HMCN1: variants seen among roughly 807,000 people sequenced by gnomAD.
The protein encoded by HMCN1 is hemicentin-1.
HMCN1 carries 321 observed loss-of-function variants against 625.9 expected under a neutral mutation model. The ratio of observed to expected loss-of-function variants is 0.51; its 90% CI spans 0.47 to 0.56. HMCN1 has a LOEUF of 0.56. HMCN1 is among the 20% of genes least tolerant of loss of function. The probability of loss-of-function intolerance (pLI) is 0.00; values close to 1 mark genes in which losing one functional copy is unlikely to be tolerated. For missense variants in HMCN1, 6,588 were observed against 6,887.3 expected, an observed-to-expected ratio of 0.96 and a Z score of 1.54; for synonymous variants, 2,425 against 2,417.6, an observed-to-expected ratio of 1.00 and a Z score of -0.09.
chr1:186,024,225 T>C (rs1303881358), intron 36 of HMCN1, among the ~76,000 whole-genome samples: 1 of 152,184 alleles, frequency 6.6e-6, no homozygotes, highest in Non-Finnish European at 1.5e-5. Context: ...ATTTTGCAAT[T>C]GGCTGACAAT....
intron 1 of HMCN1, among the ~76,000 whole-genome samples, chr1:185,738,017 A>T (rs1266918341): frequency 1.3e-5 from 2 of 152,194 alleles, no homozygotes; most frequent in Non-Finnish European, 2.9e-5. Flanking sequence ...CTAGAGTAGG[A>T]GGAGGTACCA....
intron 11 of HMCN1, chr1:185,956,970 AG>A (rs764713958): frequency 1.3e-5 from 2 of 152,264 alleles, no homozygotes; most frequent in Non-Finnish European, 2.9e-5. Context: ...CCTTGCACAG[AG>A]GGAAAAACAT....
intron 1 of HMCN1, among the ~76,000 whole-genome samples, chr1:185,770,594 T>C (rs1376063723): frequency 6.6e-6 from 1 of 152,140 alleles, no homozygotes; most frequent in Non-Finnish European, 1.5e-5. Context: ...AACCTGATCT[T>C]TTTTTTGCAC....
intron 4 of HMCN1, among the ~76,000 whole-genome samples, chr1:185,868,816 C>T (rs1046509743): frequency 3.9e-5 from 6 of 152,004 alleles, no homozygotes; most frequent in Non-Finnish European, 7.4e-5. Context: ...GATGTAAATT[C>T]AGAAAATTTT....
intron 2 of HMCN1, among the ~76,000 whole-genome samples, chr1:185,849,043 T>C (rs1041901163): frequency 6.6e-6 from 1 of 152,170 alleles, no homozygotes; most frequent in Non-Finnish European, 1.5e-5. Context: ...GTACCATATC[T>C]ACTTGACTCT....
intron 1 of HMCN1, among the ~76,000 whole-genome samples, chr1:185,780,542 G>A (rs891783633): frequency 6.6e-6 from 1 of 152,174 alleles, no homozygotes; most frequent in Admixed American, 6.5e-5. Flanking sequence ...AATTTATTGA[G>A]AGTTTTTAGC....
rs76014482 is a variant in HMCN1 at position 185,787,181 on chromosome 1, A to G, written c.268+52134A>G. Among the ~76,000 whole-genome samples the G allele has an allele frequency of 3.0e-3, 391 of 128,676 alleles. 8 individuals are homozygous for G. The East Asian group carries it at 0.053, about 17-fold the overall frequency. The allele number at this position is 128,676 out of a possible 152,430, so 84.4% of individuals were successfully genotyped here. On this transcript the variant is annotated intron_variant, in intron 1 of 106. Coordinates refer to ENST00000271588, the MANE Select transcript of HMCN1 (RefSeq NM_031935.3). ...TGTGTGTGTGTGTGTGTGTGTGTGCATGCACGTGTGTTTTAATGAACAATT... is the reference window on the plus strand; with the variant it reads ...TGTGTGTGTGTGTGTGTGTGTGTGCGTGCACGTGTGTTTTAATGAACAATT...
At chr1:186,140,236 C>G (rs762497189) in intron 89 of HMCN1, among the ~76,000 whole-genome samples, 3 of 152,122 alleles carry the variant, frequency 2.0e-5, no homozygotes, top group Non-Finnish European at 4.4e-5. Context: ...TCTTTTTCCC[C>G]CATTCCAAGA....
intron 11 of HMCN1, among the ~76,000 whole-genome samples, chr1:185,943,447 C>A (rs752402027): frequency 1.3e-5 from 2 of 152,110 alleles, no homozygotes; most frequent in Non-Finnish European, 2.9e-5. Flanking sequence ...AGGAAATACC[C>A]CCATACATCT....
chr1:186,109,476 T>C (rs1033986908), intron 71 of HMCN1, among the ~76,000 whole-genome samples: 3 of 152,136 alleles, frequency 2.0e-5, no homozygotes, highest in African/African-American at 7.2e-5. Flanking sequence ...GAAAATAGGC[T>C]TTACCTCAAA....
chr1:186,104,049 C>T (rs10911820), intron 69 of HMCN1, among the ~76,000 whole-genome samples: 4 of 151,846 alleles, frequency 2.6e-5, no homozygotes, highest in Admixed American at 2.0e-4. Context: ...ATGAACTAGC[C>T]GATATGGAAG....
chr1:185,873,464 A>G (rs1336904213), intron 4 of HMCN1, among the ~76,000 whole-genome samples: 1 of 152,178 alleles, frequency 6.6e-6, no homozygotes, highest in Non-Finnish European at 1.5e-5. Flanking sequence ...ATTGCTGACC[A>G]TGATCTCTTG....
rs1044750208 is a variant in HMCN1, at chr1:186,081,414, T to C, written c.8787+20T>C. On this transcript the variant is annotated intron_variant, in intron 56 of 106. Coordinates refer to ENST00000271588, the MANE Select transcript of HMCN1 (RefSeq NM_031935.3). Reference sequence around the variant, plus strand: ...CTGCAGGTAAAAGTAAAGAAAGATCTAATTTTAAAAGAGCTATTTGACTTT... The same window carrying C: ...CTGCAGGTAAAAGTAAAGAAAGATCCAATTTTAAAAGAGCTATTTGACTTT... The C allele has an allele frequency of 3.8e-6, 6 of 1,572,304 alleles. No individual in the cohort carries two copies. The highest frequency in any genetic ancestry group is 5.3e-6 in the Non-Finnish European group (6 of 1,142,830).
intron 52 of HMCN1, among the ~76,000 whole-genome samples, chr1:186,073,613 AG>A (rs1416042509): frequency 6.6e-6 from 1 of 152,102 alleles, no homozygotes; most frequent in Non-Finnish European, 1.5e-5. Flanking sequence ...TTAACCAGTT[AG>A]GGTTTTGCCA....
chr1:186,070,705 G>A lies in HMCN1; in HGVS notation c.8087G>A (p.Cys2696Tyr), dbSNP rs762284589. The A allele has an allele frequency of 6.2e-7, 1 of 1,613,876 alleles. No individual in the cohort carries two copies. The highest frequency in any genetic ancestry group is 8.5e-7 in the Non-Finnish European group (1 of 1,179,812). The stretch of plus-strand genomic sequence containing the variant: ...GTAAACAACACTCTGACCTTGGAAT[G>A]TGAAGCGTATGCAATTCCTTCTGCC... Reference protein sequence around the residue: ...IKVNNTLTLECEAYAIPSASL... With the variant: ...IKVNNTLTLEYEAYAIPSASL... The change falls in exon 52 of 107, where the codon TGT becomes TAT. Residue 2696 changes from cysteine (C) to tyrosine (Y), a missense_variant. Coordinates refer to ENST00000271588, the MANE Select transcript of HMCN1 (RefSeq NM_031935.3).
At chr1:186,129,905 C>T in intron 83 of HMCN1, 61 bp from the exon 84 acceptor site, 2 of 1,600,558 alleles carry the variant, frequency 1.2e-6, no homozygotes, top group Non-Finnish European at 1.7e-6. Flanking sequence ...AAATACTGAG[C>T]TGTCGTGAAA....
intron 2 of HMCN1, among the ~76,000 whole-genome samples, chr1:185,859,912 C>G (rs571329666): frequency 6.6e-6 from 1 of 152,176 alleles, no homozygotes; most frequent in East Asian, 1.9e-4. Context: ...CTCAGGCAGT[C>G]TGTGTGCCTC....
At chr1:186,156,338 G>GATTT (rs1651019580) in intron 97 of HMCN1, among the ~76,000 whole-genome samples, 1 of 152,072 alleles carries the variant, frequency 6.6e-6, no homozygotes, top group Non-Finnish European at 1.5e-5. Flanking sequence ...ATACAAAGGC[G>GATTT]CTTCAAAATC....
intron 85 of HMCN1, among the ~76,000 whole-genome samples, chr1:186,131,461 A>G (rs1176073413): frequency 1.3e-5 from 2 of 152,124 alleles, no homozygotes; most frequent in African/African-American, 4.8e-5. Context: ...TACCAATGTT[A>G]ATACTAATTT....
Sources: allele counts gnomAD v4.1 joint callset (sites outside exome capture counted in the v4.1 genomes callset), GRCh38; gene constraint gnomAD v4.1.1; transcripts MANE v1.5; gene names NCBI Gene and HGNC (gene_info 2026-07-23, HGNC 2026-07-21).